The following HEATR4 variants were observed in gnomAD, a reference collection of about 807,000 sequenced individuals.
HEATR4 encodes HEAT repeat-containing protein 4.
A neutral mutation model predicts 108.8 loss-of-function variants in HEATR4; 95 were observed. The ratio of observed to expected loss-of-function variants is 0.87; its 90% CI spans 0.74 to 1.04. The LOEUF (loss-of-function observed/expected upper bound fraction) is 1.04. Among genes scored for constraint, HEATR4 ranks in the 50% least tolerant of loss-of-function variants. HEATR4 has a pLI of 0.00. For missense variants in HEATR4, 1,152 were observed against 1,253.8 expected (o/e 0.92, Z 1.23); for synonymous variants, 443 against 459.4 (o/e 0.96, Z 0.46).
the HEATR4 span, chr14:73,591,787 C>T: frequency 9.3e-5 from 53 of 570,290 alleles, no homozygotes; most frequent in Admixed American, 2.3e-3. Flanking sequence ...TCAGACGAGT[C>T]CGGAGCGCCG....
the HEATR4 span, among the ~76,000 whole-genome samples, chr14:73,613,969 C>G: frequency 7.1e-6 from 1 of 141,530 alleles, no homozygotes; most frequent in Non-Finnish European, 1.5e-5. Flanking sequence ...GTGGGCAGAT[C>G]ACTTGAGCCC....
the HEATR4 span, among the ~76,000 whole-genome samples, chr14:73,598,201 G>A: frequency 7.5e-5 from 8 of 105,992 alleles, no homozygotes; most frequent in South Asian, 6.5e-4. Flanking sequence ...GTGAAACCCC[G>A]TCTCTACTAA....
the HEATR4 span, among the ~76,000 whole-genome samples, chr14:73,633,205 A>G: frequency 1.3e-5 from 2 of 152,070 alleles, no homozygotes; most frequent in African/African-American, 4.8e-5. Flanking sequence ...TGGTTTCACC[A>G]TTCTGGCCAG....
In HEATR4 at chr14:73,488,350, G is replaced by A. The variant is rs189521445; in HGVS notation, c.2844+4716C>T. 2.2e-4 allele frequency among the ~76,000 whole-genome samples: 33 copies of A among 152,222 alleles called. 1 individual carries two copies. The South Asian group carries it at 3.5e-3, about 16-fold the overall frequency. On this transcript the variant is annotated intron_variant, in intron 17 of 17. Coordinates refer to ENST00000553558, the MANE Select transcript of HEATR4 (RefSeq NM_001220484.1). Reference sequence around the variant, plus strand: ...CAGTAGCGTGATCTTGACTCACTGCGACCTCCACTTCCCGGGTTCATGCAA... The same window carrying A: ...CAGTAGCGTGATCTTGACTCACTGCAACCTCCACTTCCCGGGTTCATGCAA...
At chr14:73,595,183 C>G in the HEATR4 span, 1 of 1,614,234 alleles carries the variant, frequency 6.2e-7, no homozygotes. Flanking sequence ...ACACAGCCAT[C>G]AACTATAAGC....
chr14:73,487,734 A>G (rs1193996894), intron 17 of HEATR4, among the ~76,000 whole-genome samples: 1 of 152,190 alleles, frequency 6.6e-6, no homozygotes, highest in East Asian at 1.9e-4. Flanking sequence ...TACCAGCACA[A>G]TGTGTTAAAT....
At chr14:73,567,017 C>T in the HEATR4 span, among the ~76,000 whole-genome samples, 1 of 152,074 alleles carries the variant, frequency 6.6e-6, no homozygotes, top group African/African-American at 2.4e-5. Context: ...CTGTGTTAGC[C>T]AGGATGGTGT....
chr14:73,605,636 T>C, the HEATR4 span, among the ~76,000 whole-genome samples: 8 of 136,488 alleles, frequency 5.9e-5, no homozygotes, highest in African/African-American at 2.1e-4. Flanking sequence ...AGTGGTGCAA[T>C]CTTGGCTCAC....
At chr14:73,568,992 G>T in the HEATR4 span, 2 of 531,760 alleles carry the variant, frequency 3.8e-6, no homozygotes, top group African/African-American at 1.9e-5. Context: ...CCTGGAGACT[G>T]CTAGCTGCCT....
At chr14:73,629,782 C>A in the HEATR4 span, among the ~76,000 whole-genome samples, 2 of 151,832 alleles carry the variant, frequency 1.3e-5, no homozygotes, top group Admixed American at 1.3e-4. Flanking sequence ...GTAGCTGGGA[C>A]TACAGGCACC....
the HEATR4 span, chr14:73,571,510 G>A: frequency 0.81 from 123,532 of 151,896 alleles, 51,034 homozygotes; most frequent in East Asian, 0.95. Context: ...CTTCACACCC[G>A]TGGGCCACTT....
At position 73,522,349 on chromosome 14, in the gene HEATR4, T is replaced by C. The variant is rs1431553518; in HGVS notation, c.804A>G (p.Ala268=). ...LLKQLEAEET[A]EFEDQSVILP... is the part of the protein sequence containing the mutation. ...GGATGACACTTTGATCCTCAAACTC[T>C]GCTGTCTCTTCTGCCTCCAGCTGTT... The change falls in exon 3 of 18, where the codon GCA becomes GCG. Residue 268 remains alanine, a synonymous_variant. Transcript: ENST00000553558. The C allele has an allele frequency of 6.2e-7, 1 of 1,614,246 alleles. No individual in the cohort carries two copies. The highest frequency in any genetic ancestry group is 1.1e-5 in the South Asian group (1 of 91,088).
rs746715910 is a variant in HEATR4, at chr14:73,543,166, C to T, written c.-151-12922G>A. ...CTGTCGTCATCAACGGCTCTGTGGC[C>T]AATGTTGGGGGAACCTTACGCTACA... On this transcript the variant is annotated intron_variant, in intron 1 of 17. Coordinates refer to ENST00000553558, the MANE Select transcript of HEATR4 (RefSeq NM_001220484.1). 3.1e-5 allele frequency: 49 copies of T among 1,604,994 alleles called. 2 individuals carry two copies. Among genetic ancestry groups the T allele is most frequent in the Admixed American group, 6.8e-5 (4 of 58,918 alleles).
At chr14:73,567,494 T>G in the HEATR4 span, 1 of 151,868 alleles carries the variant, frequency 6.6e-6, no homozygotes, top group Admixed American at 6.6e-5. Context: ...AATCAGCACT[T>G]TGTAAAACGA....
Position 73,490,996 on chromosome 14 carries a change from G to T in HEATR4, c.2844+2070C>A, listed in dbSNP as rs765598340. 3 of 1,359,284 alleles carry T rather than the reference G, an allele frequency of 2.2e-6. No homozygotes were observed. The South Asian group carries it at 5.9e-5, about 27-fold the overall frequency. The allele number at this position is 1,359,284 out of a possible 1,614,324, so 84.2% of individuals were successfully genotyped here. ...GCTTCGCCCCCGGCCGGCCGGGCGGGGAAGACTGGTGTGGTCTGGCCATGG... is the reference window on the plus strand; with the variant it reads ...GCTTCGCCCCCGGCCGGCCGGGCGGTGAAGACTGGTGTGGTCTGGCCATGG... On this transcript the variant is annotated intron_variant, in intron 17 of 17. Coordinates refer to ENST00000553558, the MANE Select transcript of HEATR4 (RefSeq NM_001220484.1).
Position 73,532,023 on chromosome 14 carries a change from G to C in HEATR4, c.-151-1779C>G, listed in dbSNP as rs1234232029. On this transcript the variant is annotated intron_variant, in intron 1 of 17. Transcript: ENST00000553558. The stretch of plus-strand genomic sequence containing the variant: ...CTCCAGCCTGGGCAGCAAGAGTGAA[G>C]TGCAGTCTCAAAAAATAAAAATAAA... Among the ~76,000 whole-genome samples, 2 of 113,786 alleles carry C rather than the reference G, an allele frequency of 1.8e-5. 1 individual carries two copies. Among genetic ancestry groups the C allele is most frequent in the Admixed American group, 2.0e-4 (2 of 10,058 alleles). The allele number at this position is 113,786 out of a possible 152,430, so 74.6% of individuals were successfully genotyped here.
the HEATR4 span, chr14:73,613,055 G>T: frequency 9.1e-6 from 6 of 660,988 alleles, no homozygotes; most frequent in Non-Finnish European, 1.2e-5. Flanking sequence ...GAATTTGGTC[G>T]AGCTCTGCGA....
In HEATR4 at chr14:73,506,485, G is replaced by T. The variant is rs370145878; in HGVS notation, c.1968C>A (p.Ile656=). 24 of 1,613,386 alleles carry T rather than the reference G, an allele frequency of 1.5e-5. No individual in the cohort carries two copies. Among genetic ancestry groups the T allele is most frequent in the Non-Finnish European group, 2.0e-5 (24 of 1,179,810 alleles). Residue 656 remains isoleucine, a synonymous_variant, in exon 10 of 18, where the codon ATC becomes ATA. Coordinates refer to ENST00000553558, the MANE Select transcript of HEATR4 (RefSeq NM_001220484.1). ...RIVACQAFSR[I]SGNVCLDMKH... ...GGTTTACCAAGCAGACATTTCCACT[G>T]ATCCGGGAGAAAGCCTGGCAGGCCA... is the stretch of plus-strand genomic sequence containing the variant.
chr14:73,492,923 A>C lies in HEATR4; in HGVS notation c.2844+143T>G. 1 of 1,612,938 alleles carries C rather than the reference A, an allele frequency of 6.2e-7. No homozygotes were observed. Among genetic ancestry groups the C allele is most frequent in the Non-Finnish European group, 8.5e-7 (1 of 1,179,656 alleles). On this transcript the variant is annotated intron_variant, in intron 17 of 17. Coordinates refer to ENST00000553558, the MANE Select transcript of HEATR4 (RefSeq NM_001220484.1). This position sits in a 1 kb window ranked among gnomAD's most constrained non-coding sequence, Gnocchi z 4.9. ...TGATAAGGGGCTGCTGCTCACTAAG[A>C]TGCCTCTAGCCCTAAATTAGTTTCT...
Sources: gnomAD v4.1 joint callset for allele counts (sites outside exome capture counted in the v4.1 genomes callset) on GRCh38, gnomAD v4.1.1 for gene constraint, Gnocchi (gnomAD v3.1) non-coding constraint, MANE v1.5 for transcripts, NCBI Gene and HGNC (gene_info 2026-07-23, HGNC 2026-07-21) for gene names.